EFNB2: variants seen among roughly 807,000 people sequenced by gnomAD.
The protein encoded by EFNB2 is ephrin B2.
A neutral mutation model predicts 32.1 loss-of-function variants in EFNB2; 5 were observed. That is an observed-to-expected ratio of 0.16 (90% CI 0.08 to 0.33). EFNB2 has a LOEUF of 0.33. Ranked by LOEUF, EFNB2 falls within the 10% of genes least tolerant of loss-of-function variation. The pLI is 1.00. For missense variants in EFNB2, 263 were observed against 422.6 expected (o/e 0.62, Z 3.31); for synonymous variants, 168 against 166.5 (o/e 1.01, Z -0.07).
At chr13:106,514,858 C>G (rs2138924309) in intron 1 of EFNB2, among the ~76,000 whole-genome samples, 1 of 152,282 alleles carries the variant, frequency 6.6e-6, no homozygotes, top group African/African-American at 2.4e-5. Context: ...TTAACCAAAC[C>G]AGATGTACCC....
Position 106,514,501 on chromosome 13 carries a change from AAC to A in EFNB2, c.123-1691_123-1690del, listed in dbSNP as rs549948949. ...TTTCTTTATCTCCCCCAGCCCCTCC[AAC>A]ACACACACAGTAATTCTGATGTGCT... is the stretch of plus-strand genomic sequence containing the variant. On this transcript the variant is annotated intron_variant, in intron 1 of 4. Transcript: ENST00000646441. Among the ~76,000 whole-genome samples, 34 of 152,326 alleles carry A rather than the reference AAC, an allele frequency of 2.2e-4. No homozygotes were observed. In the East Asian group the frequency reaches 5.8e-3, roughly 26 times the overall value.
At chr13:106,514,078 CTCTT>C (rs1057345230) in intron 1 of EFNB2, among the ~76,000 whole-genome samples, 27 of 152,166 alleles carry the variant, frequency 1.8e-4, no homozygotes, top group African/African-American at 6.3e-4. Context: ...AAAACCCACA[CTCTT>C]TATTGGGAAG....
chr13:106,493,304 C>G lies in EFNB2; in HGVS notation c.738G>C (p.Val246=), dbSNP rs746919388. 6.2e-7 allele frequency: 1 copy of G among 1,614,126 alleles called. No homozygotes were observed. The highest frequency in any genetic ancestry group is 1.1e-5 in the South Asian group (1 of 91,070). Residue 246 remains valine (V), a synonymous_variant, in exon 5 of 5, where the codon GTG becomes GTC. Coordinates refer to ENST00000646441, the MANE Select transcript of EFNB2 (RefSeq NM_004093.4). This position sits in a 1 kb window ranked among gnomAD's most constrained non-coding sequence, Gnocchi z 6.1. ...IIFIVIIITL[V]VLLLKYRRRH... ...TCCTCCGGTACTTCAGCAAGAGGAC[C>G]ACCAGCGTGATGATGATGACGATGA...
At chr13:106,498,886 C>T (rs1381396498) in intron 2 of EFNB2, among the ~76,000 whole-genome samples, 2 of 152,260 alleles carry the variant, frequency 1.3e-5, no homozygotes, top group Middle Eastern at 3.4e-3. Flanking sequence ...TTAAGTCAAC[C>T]TGTGACTTGC....
chr13:106,494,214 C>A (rs1878514636), intron 4 of EFNB2, among the ~76,000 whole-genome samples: 2 of 152,206 alleles, frequency 1.3e-5, no homozygotes, highest in African/African-American at 4.8e-5. Context: ...AGCAAGCACA[C>A]AACAATCCTA....
chr13:106,520,516 T>G (rs578118992), intron 1 of EFNB2: 1 of 152,338 alleles, frequency 6.6e-6, no homozygotes, highest in African/African-American at 2.4e-5. Flanking sequence ...TCCGAAGTGC[T>G]CTGTGCACTT....
intron 4 of EFNB2, among the ~76,000 whole-genome samples, 190 bp downstream of exon 4, chr13:106,494,691 T>C (rs1356472691): frequency 6.6e-6 from 1 of 152,232 alleles, no homozygotes; most frequent in African/African-American, 2.4e-5. Flanking sequence ...ATGACTTTCA[T>C]TGGAATGAGT....
At chr13:106,513,842 C>A (rs1879226744) in intron 1 of EFNB2, among the ~76,000 whole-genome samples, 1 of 152,190 alleles carries the variant, frequency 6.6e-6, no homozygotes, top group Non-Finnish European at 1.5e-5. Flanking sequence ...TCCTTCCAAT[C>A]CAACCCTTTC....
chr13:106,515,043 T>C (rs1459876373), intron 1 of EFNB2, among the ~76,000 whole-genome samples: 1 of 147,274 alleles, frequency 6.8e-6, no homozygotes. Flanking sequence ...TTCATGAGGA[T>C]TTTTTTTTTC....
chr13:106,499,724 T>A (rs1028344995), intron 2 of EFNB2, among the ~76,000 whole-genome samples: 2 of 152,006 alleles, frequency 1.3e-5, no homozygotes, highest in Admixed American at 6.6e-5. Context: ...AGGAAAAAAA[T>A]AGACTTTACA....
At position 106,505,456 on chromosome 13, in the gene EFNB2, G is replaced by A. The variant is rs557464286; in HGVS notation, c.406+7073C>T. ...CTCACAGTGATAAAAATTGCTCTAA[G>A]ACCTGTGTTTCTAGACTTCAAAGTG... On this transcript the variant is annotated intron_variant, in intron 2 of 4. Coordinates refer to ENST00000646441, the MANE Select transcript of EFNB2 (RefSeq NM_004093.4). Among the ~76,000 whole-genome samples the A allele has an allele frequency of 3.4e-3, 523 of 152,264 alleles. 2 individuals are homozygous for A. The highest frequency in any genetic ancestry group is 0.012 in the African/African-American group (506 of 41,548).
chr13:106,495,354 C>T (rs1356631766), intron 3 of EFNB2, among the ~76,000 whole-genome samples: 1 of 151,786 alleles, frequency 6.6e-6, no homozygotes, highest in East Asian at 1.9e-4. Flanking sequence ...GGAAAAGTCA[C>T]AATGAACAAA....
chr13:106,512,381 G>GAA (rs199572217), intron 2 of EFNB2, 148 bp downstream of exon 2: 119 of 327,042 alleles, frequency 3.6e-4, no homozygotes, highest in African/African-American at 3.0e-3. Flanking sequence ...AGTTTTCTTT[G>GAA]AAAAAAAAAA....
At chr13:106,524,264 C>T (rs563155909) in intron 1 of EFNB2, among the ~76,000 whole-genome samples, 1 of 152,330 alleles carries the variant, frequency 6.6e-6, no homozygotes, top group African/African-American at 2.4e-5. Flanking sequence ...TTTGATCCAT[C>T]ATGTATGCAC....
In EFNB2 at chr13:106,492,511, TGC is replaced by T; in HGVS notation, c.*527_*528del. 6.5e-6 allele frequency: 1 copy of T among 154,078 alleles called. No homozygotes were observed. Among genetic ancestry groups the T allele is most frequent in the Non-Finnish European group, 1.4e-5 (1 of 69,220 alleles). The allele number at this position is 154,078 out of a possible 1,614,324, so 9.5% of individuals were successfully genotyped here. On this transcript the variant is annotated 3_prime_UTR_variant, in exon 5 of 5. Transcript: ENST00000646441. The surrounding 1 kb of genome is among the most constrained non-coding windows in gnomAD (Gnocchi z 5.1). ...TGTGGAGTGGAGGTCTCAGGTGAGG[TGC>T]TGCAGAGCCCTGGGTAACAGAACGA...
chr13:106,495,717 G>C (rs947923547), intron 3 of EFNB2, 31 bp downstream of exon 3: 10 of 1,604,120 alleles, frequency 6.2e-6, no homozygotes, highest in Non-Finnish European at 8.5e-6. Context: ...CCAGGTCACA[G>C]TGGCGTCATG....
At chr13:106,510,532 T>TTAGGGACATGCGTTCACTGCCC (rs1879108224) in intron 2 of EFNB2, among the ~76,000 whole-genome samples, 1 of 152,252 alleles carries the variant, frequency 6.6e-6, no homozygotes, top group Non-Finnish European at 1.5e-5. Flanking sequence ...CATCCACGCA[T>TTAGGGACATGCGTTCACTGCCC]TAGGGACATG....
chr13:106,496,422 C>T (rs1878593373), intron 2 of EFNB2, among the ~76,000 whole-genome samples: 1 of 152,084 alleles, frequency 6.6e-6, no homozygotes, highest in East Asian at 1.9e-4. Flanking sequence ...TCCCCTTTTT[C>T]CTCCATCGTT....
At chr13:106,495,719 G>A in intron 3 of EFNB2, 29 bp downstream of exon 3, 4 of 1,605,516 alleles carry the variant, frequency 2.5e-6, no homozygotes, top group East Asian at 2.2e-5. Context: ...AGGTCACAGT[G>A]GCGTCATGAA....
Sources: gnomAD v4.1 joint callset for allele counts (sites outside exome capture counted in the v4.1 genomes callset) on GRCh38, gnomAD v4.1.1 for gene constraint, Gnocchi (gnomAD v3.1) non-coding constraint, MANE v1.5 for transcripts, NCBI Gene and HGNC (gene_info 2026-07-23, HGNC 2026-07-21) for gene names.